MTDH: variants seen among roughly 807,000 people sequenced by gnomAD.
The protein encoded by MTDH is metadherin.
Under a neutral mutation model 72.7 loss-of-function variants are expected in MTDH, and 34 were observed. The observed-to-expected ratio is 0.47, with a 90% CI of 0.36 to 0.62. The LOEUF (loss-of-function observed/expected upper bound fraction) is 0.62. Ranked by LOEUF, MTDH falls within the 20% of genes least tolerant of loss-of-function variation. MTDH has a pLI of 0.00. For missense variants in MTDH, 677 were observed against 699.4 expected (o/e 0.97, Z 0.36); for synonymous variants, 266 against 268.9 (o/e 0.99, Z 0.10).
Position 97,645,700 on chromosome 8 carries a change from G to A in MTDH, c.381+813G>A, listed in dbSNP as rs369008899. Among the ~76,000 whole-genome samples the A allele has an allele frequency of 2.8e-4, 42 of 152,290 alleles. No individual in the cohort carries two copies. In the South Asian group the frequency reaches 8.3e-3, roughly 30 times the overall value. ...GGGCCACGTGTGGAAGTTGCAGAGGGCATCACGTCTGTCTTAGGCCTTCAT... is the reference window on the plus strand; with the variant it reads ...GGGCCACGTGTGGAAGTTGCAGAGGACATCACGTCTGTCTTAGGCCTTCAT... On this transcript the variant is annotated intron_variant, in intron 1 of 11. Transcript: ENST00000336273.
chr8:97,660,885 A>T (rs553819405), intron 1 of MTDH, among the ~76,000 whole-genome samples, 187 bp from the exon 2 acceptor site: 16 of 142,486 alleles, frequency 1.1e-4, no homozygotes, highest in Admixed American at 5.0e-4. Flanking sequence ...TATGAATTTT[A>T]TATATATATA....
chr8:97,660,155 G>A (rs751188726), intron 1 of MTDH, among the ~76,000 whole-genome samples: 1 of 151,568 alleles, frequency 6.6e-6, no homozygotes, highest in African/African-American at 2.4e-5. Flanking sequence ...GCGAAACTCC[G>A]TCTCAAAAAA....
chr8:97,667,076 G>A (rs962569164), intron 2 of MTDH, among the ~76,000 whole-genome samples: 3 of 151,844 alleles, frequency 2.0e-5, no homozygotes, highest in Admixed American at 1.3e-4. Context: ...CTGCAGCCTC[G>A]ACCTCCCAGG....
intron 1 of MTDH, among the ~76,000 whole-genome samples, chr8:97,653,043 C>T (rs948255810): frequency 1.2e-4 from 18 of 151,434 alleles, no homozygotes; most frequent in Non-Finnish European, 2.1e-4. Context: ...CGCTTGAACC[C>T]GGGAGGCGGA....
intron 2 of MTDH, among the ~76,000 whole-genome samples, chr8:97,663,748 CAAAAAA>C (rs36101443): frequency 3.6e-4 from 31 of 85,978 alleles, no homozygotes; most frequent in East Asian, 8.6e-4. Context: ...GACTCTGTCT[CAAAAAA>C]AAAAAAAAAA....
Position 97,687,463 on chromosome 8 carries a change from A to AG in MTDH, c.603_604insG (p.Arg202AlafsTer5). 1 of 1,604,608 alleles carries AG rather than the reference A, an allele frequency of 6.2e-7. No homozygotes were observed. The highest frequency in any genetic ancestry group is 8.5e-7 in the Non-Finnish European group (1 of 1,175,904). ...AAACTAAAATTAGTCACAGAGAGAA[A>AG]CGACAGCAGCGTAAACGTGATAAGG... is the stretch of plus-strand genomic sequence containing the variant. On this transcript the variant is annotated frameshift_variant, in exon 4 of 12. Coordinates refer to ENST00000336273, the MANE Select transcript of MTDH (RefSeq NM_178812.4). LOFTEE classifies it high-confidence loss of function.
At chr8:97,676,127 A>G (rs1481890165) in intron 2 of MTDH, among the ~76,000 whole-genome samples, 1 of 152,072 alleles carries the variant, frequency 6.6e-6, no homozygotes, top group African/African-American at 2.4e-5. Flanking sequence ...TTTTGTAAAG[A>G]CAGGGTCTCA....
rs1813832519 is a variant in MTDH at position 97,696,327 on chromosome 8, A to G, written c.1049-3427A>G. ...AAAACAGTCTTTTGTTCAGCTAACA[A>G]AAACATTTGTTTAATTTTAGTGCTT... On this transcript the variant is annotated intron_variant, in intron 6 of 11. Transcript: ENST00000336273. The G allele has an allele frequency of 5.3e-6, 5 of 950,872 alleles. No homozygotes were observed. The African/African-American group carries it at 5.3e-5, about 10-fold the overall frequency. 58.9% of individuals were successfully genotyped at this position (950,872 alleles called of 1,614,324 possible). A position where few individuals can be genotyped will look rare whatever the true frequency, so the allele number is the denominator to read the frequency against.
chr8:97,687,362 C>A (rs1315877482), intron 3 of MTDH, 67 bp from the exon 4 acceptor site: 3 of 1,395,594 alleles, frequency 2.1e-6, no homozygotes, highest in Non-Finnish European at 2.9e-6. Context: ...CCCATATTCT[C>A]CCCCAAAACT....
intron 2 of MTDH, among the ~76,000 whole-genome samples, chr8:97,669,212 G>T (rs754262579): frequency 6.6e-6 from 1 of 151,900 alleles, no homozygotes; most frequent in Admixed American, 6.6e-5. Flanking sequence ...ACAGTGGCAC[G>T]ATCTCCGCTC....
Position 97,644,324 on chromosome 8 carries a change from C to T in MTDH, c.-183C>T. 3 of 739,102 alleles carry T rather than the reference C, an allele frequency of 4.1e-6. No individual in the cohort carries two copies. The highest frequency in any genetic ancestry group is 6.1e-6 in the Non-Finnish European group (3 of 490,432). 45.8% of individuals were successfully genotyped at this position (739,102 alleles called of 1,614,324 possible). ...GCGGAGTGAGGCTGACAGCGGGGAA[C>T]CTGGGAGACCCCTCCGCCCTCCCCG... On this transcript the variant is annotated 5_prime_UTR_variant, in exon 1 of 12. Transcript: ENST00000336273.
rs537250822 is a variant in MTDH, at chr8:97,671,747, G to A, written c.483+10574G>A. Among the ~76,000 whole-genome samples, 31 of 152,194 alleles carry A rather than the reference G, an allele frequency of 2.0e-4. No homozygotes were observed. The South Asian group carries it at 6.2e-3, about 31-fold the overall frequency. ...AGTCCCAGCTACTTGGGAGGCTGAA[G>A]CACAAGAATCACTTGAACCCCAGGA... On this transcript the variant is annotated intron_variant, in intron 2 of 11. Transcript: ENST00000336273.
In MTDH at chr8:97,644,886, A is replaced by G. The variant is rs1330658631; in HGVS notation, c.380A>G (p.Lys127Arg). Reference sequence around the variant, plus strand: ...CGGAAGAAACTGTCCGAGAAGCCCAAAGTGAGTATGGGATGAGCGGCAGTA... The same window carrying G: ...CGGAAGAAACTGTCCGAGAAGCCCAGAGTGAGTATGGGATGAGCGGCAGTA... ...KNRKKLSEKP[K>R]PNGRTVEVAE... The change falls in exon 1 of 12, where the codon AAA (lysine) becomes AGA (arginine). Residue 127 changes from lysine (K) to arginine (R), a missense_variant and splice_region_variant. Coordinates refer to ENST00000336273, the MANE Select transcript of MTDH (RefSeq NM_178812.4). 2.6e-6 allele frequency: 4 copies of G among 1,549,044 alleles called. No individual in the cohort carries two copies. The highest frequency in any genetic ancestry group is 3.5e-6 in the Non-Finnish European group (4 of 1,159,270).
intron 2 of MTDH, among the ~76,000 whole-genome samples, chr8:97,666,578 A>G (rs1812397544): frequency 6.6e-6 from 1 of 152,204 alleles, no homozygotes; most frequent in Non-Finnish European, 1.5e-5. Flanking sequence ...TAATTAAGAC[A>G]TTATTTTCCT....
At position 97,686,746 on chromosome 8, in the gene MTDH, G is replaced by A; in HGVS notation, c.562G>A (p.Asp188Asn). Residue 188 changes from aspartate to asparagine, a missense_variant, in exon 3 of 12, where the codon GAT becomes AAT. Physicochemically the swap from Asp to Asn is conservative, Grantham distance 23. Coordinates refer to ENST00000336273, the MANE Select transcript of MTDH (RefSeq NM_178812.4). ...NSSRHDGKEV[D>N]EGAWETKISH... ...TTCACGCCATGATGGAAAGGAAGTT[G>A]ATGAAGGTACTTGAGCAAGGGAAAG... The A allele has an allele frequency of 1.3e-6, 2 of 1,595,046 alleles. No homozygotes were observed. The highest frequency in any genetic ancestry group is 1.7e-6 in the Non-Finnish European group (2 of 1,171,238).
chr8:97,712,379 C>A (rs1814675035), intron 8 of MTDH, among the ~76,000 whole-genome samples: 1 of 152,074 alleles, frequency 6.6e-6, no homozygotes, highest in Admixed American at 6.6e-5. Flanking sequence ...CCACATAATT[C>A]TCTGGAGATT....
At chr8:97,722,797 C>T in intron 10 of MTDH, 82 bp from the exon 11 acceptor site, 11 of 1,397,602 alleles carry the variant, frequency 7.9e-6, no homozygotes, top group Non-Finnish European at 2.9e-6. Context: ...TGCTGCTAAA[C>T]CACCTCTTGG....
intron 1 of MTDH, among the ~76,000 whole-genome samples, chr8:97,646,981 T>G (rs1325338507): frequency 6.6e-6 from 1 of 152,260 alleles, no homozygotes; most frequent in East Asian, 1.9e-4. Flanking sequence ...TTTTCTTTAA[T>G]GTTCATGACC....
intron 1 of MTDH, among the ~76,000 whole-genome samples, chr8:97,650,073 C>T (rs1811711668): frequency 6.6e-6 from 1 of 152,076 alleles, no homozygotes; most frequent in Non-Finnish European, 1.5e-5. Flanking sequence ...TCTCCTGCCT[C>T]AGCCTCCTGA....
Sources: allele counts gnomAD v4.1 joint callset (sites outside exome capture counted in the v4.1 genomes callset), GRCh38; gene constraint gnomAD v4.1.1; transcripts MANE v1.5; gene names NCBI Gene and HGNC (gene_info 2026-07-23, HGNC 2026-07-21).